IPP: variants seen among roughly 807,000 people sequenced by gnomAD.
IPP encodes actin-binding protein IPP.
IPP carries 41 observed loss-of-function variants against 64.1 expected under a neutral mutation model. The observed-to-expected ratio is 0.64, with a 90% CI of 0.50 to 0.83. The LOEUF (loss-of-function observed/expected upper bound fraction) is 0.83. Among genes scored for constraint, IPP ranks in the 40% least tolerant of loss-of-function variants. The probability of loss-of-function intolerance (pLI) is 0.00; values close to 1 mark genes in which losing one functional copy is unlikely to be tolerated. For synonymous variants in IPP, 214 were observed against 235.2 expected, an observed-to-expected ratio of 0.91 and a Z score of 0.83; for missense variants, 649 against 703.0, an observed-to-expected ratio of 0.92 and a Z score of 0.87.
intron 1 of IPP, among the ~76,000 whole-genome samples, chr1:45,750,289 C>G (rs1381367162): frequency 1.3e-5 from 2 of 152,124 alleles, no homozygotes; most frequent in African/African-American, 4.8e-5. Context: ...AATAATCGTT[C>G]CTGCGCTACC....
chr1:45,699,925 C>A lies in IPP; in HGVS notation c.*41G>T. 1 of 1,602,116 alleles carries A rather than the reference C, an allele frequency of 6.2e-7. No homozygotes were observed. Among genetic ancestry groups the A allele is most frequent in the Non-Finnish European group, 8.5e-7 (1 of 1,172,172 alleles). ...TTGCTTTGCAAAAGGTCAGGTCCTGCATTTTCAAAATGTTCCTTGTGCTCT... is the reference window on the plus strand; with the variant it reads ...TTGCTTTGCAAAAGGTCAGGTCCTGAATTTTCAAAATGTTCCTTGTGCTCT... On this transcript the variant is annotated 3_prime_UTR_variant, in exon 9 of 9. Transcript: ENST00000396478.
intron 2 of IPP, among the ~76,000 whole-genome samples, chr1:45,741,860 C>T (rs1361679369): frequency 2.5e-5 from 2 of 78,860 alleles, no homozygotes; most frequent in African/African-American, 4.1e-5. Flanking sequence ...GATCTCCTGA[C>T]CTTGTGATCC....
At chr1:45,739,664 AT>A (rs1194918883) in intron 3 of IPP, among the ~76,000 whole-genome samples, 1 of 152,006 alleles carries the variant, frequency 6.6e-6, no homozygotes, top group African/African-American at 2.4e-5. Context: ...GAATCTAAAG[AT>A]GATTCAAAGG....
intron 2 of IPP, among the ~76,000 whole-genome samples, chr1:45,744,484 C>G (rs980127020): frequency 6.6e-6 from 1 of 152,098 alleles, no homozygotes; most frequent in Non-Finnish European, 1.5e-5. Flanking sequence ...CCTGGATCCT[C>G]CCACATCAGC....
At chr1:45,725,475 G>GCC (rs1253391590) in intron 5 of IPP, among the ~76,000 whole-genome samples, 29 of 140,150 alleles carry the variant, frequency 2.1e-4, no homozygotes, top group Non-Finnish European at 4.4e-4. Flanking sequence ...GGGGGTGTCA[G>GCC]CCCCCCGCCC....
At chr1:45,708,444 C>T (rs928267972) in intron 8 of IPP, among the ~76,000 whole-genome samples, 3 of 150,614 alleles carry the variant, frequency 2.0e-5, no homozygotes, top group African/African-American at 4.9e-5. Flanking sequence ...TTTGGGAGGC[C>T]GAGGCAGGTG....
chr1:45,708,076 T>C lies in IPP; in HGVS notation c.1530+6170A>G, dbSNP rs1187657039. On this transcript the variant is annotated intron_variant, in intron 8 of 8. Coordinates refer to ENST00000396478, the MANE Select transcript of IPP (RefSeq NM_005897.3). ...TTATTTTATTTTATTTTTACTTTTT[T>C]TTTTTTGAGATGGAGTCTCACTCTG... Among the ~76,000 whole-genome samples the C allele has an allele frequency of 5.3e-5, 8 of 151,524 alleles. No individual in the cohort carries two copies. In the South Asian group the frequency reaches 1.5e-3, roughly 27 times the overall value.
At chr1:45,696,298 A>G (rs1272249273), downstream of IPP, among the ~76,000 whole-genome samples, 1 of 152,256 alleles carries the variant, frequency 6.6e-6, no homozygotes, top group Admixed American at 6.5e-5. Flanking sequence ...TTTTGGAGGT[A>G]GATCACTTTA....
At chr1:45,708,209 C>T (rs1397292521) in intron 8 of IPP, among the ~76,000 whole-genome samples, 4 of 151,578 alleles carry the variant, frequency 2.6e-5, no homozygotes, top group Non-Finnish European at 4.4e-5. Context: ...GGACTACAGA[C>T]GCCAGCCACC....
chr1:45,747,850 A>AC (rs1646160108), intron 1 of IPP, among the ~76,000 whole-genome samples: 2 of 149,012 alleles, frequency 1.3e-5, no homozygotes, highest in Admixed American at 1.3e-4. Flanking sequence ...AAAAAAAAAA[A>AC]AAAAAAAAAA....
chr1:45,741,583 T>G (rs1392843300), intron 2 of IPP, among the ~76,000 whole-genome samples: 2 of 152,096 alleles, frequency 1.3e-5, no homozygotes, highest in Non-Finnish European at 2.9e-5. Context: ...TAACCCTTAT[T>G]ATAATCCCAT....
intron 4 of IPP, 72 bp downstream of exon 4, chr1:45,729,539 TAAC>T (rs139068713): frequency 0.29 from 343,108 of 1,175,674 alleles, 50,231 homozygotes; most frequent in Middle Eastern, 0.36. Context: ...TGTATAGTAA[TAAC>T]AACAAAATAT....
intron 8 of IPP, among the ~76,000 whole-genome samples, chr1:45,709,181 C>T (rs1023908555): frequency 6.6e-6 from 1 of 150,632 alleles, no homozygotes; most frequent in Non-Finnish European, 1.5e-5. Flanking sequence ...CACTTGTAAT[C>T]CCAGCCCTTT....
At chr1:45,724,502 C>T (rs943910549) in intron 5 of IPP, among the ~76,000 whole-genome samples, 4 of 151,244 alleles carry the variant, frequency 2.6e-5, no homozygotes, top group African/African-American at 9.7e-5. Flanking sequence ...AGGAGCGTCT[C>T]TGCCCGGCCG....
chr1:45,741,063 G>A lies in IPP; in HGVS notation c.562C>T (p.Arg188Ter), dbSNP rs1394874624. 15 of 1,613,920 alleles carry A rather than the reference G, an allele frequency of 9.3e-6. No homozygotes were observed. Among genetic ancestry groups the A allele is most frequent in the African/African-American group, 1.3e-5 (1 of 75,004 alleles). Residue 188 changes from arginine to a stop codon, truncating the protein, a stop_gained, in exon 3 of 9, where the codon CGA becomes TGA. Transcript: ENST00000396478. LOFTEE classifies it high-confidence loss of function. ...TCCTCAATGCTAAGCTCTTCACTTCGCAAAATTTTGATCAGCTGATCTTTC... is the reference window on the plus strand; with the variant it reads ...TCCTCAATGCTAAGCTCTTCACTTCACAAAATTTTGATCAGCTGATCTTTC... ...LTKDQLIKIL[R>*]SEELSIEDEY...
chr1:45,716,871 A>G (rs1473856054), intron 7 of IPP, 24 bp downstream of exon 7: 4 of 1,587,670 alleles, frequency 2.5e-6, no homozygotes, highest in Non-Finnish European at 3.4e-6. Flanking sequence ...CATTTTGAGG[A>G]AAAATATTTT....
At chr1:45,749,707 A>C (rs905500799) in intron 1 of IPP, among the ~76,000 whole-genome samples, 1 of 151,070 alleles carries the variant, frequency 6.6e-6, no homozygotes, top group African/African-American at 2.4e-5. Context: ...TTTTTAGTAG[A>C]GACGGGGTTT....
chr1:45,748,787 C>T (rs1646175940), intron 1 of IPP, among the ~76,000 whole-genome samples: 1 of 152,092 alleles, frequency 6.6e-6, no homozygotes, highest in South Asian at 2.1e-4. Context: ...GCCTGGCCAA[C>T]ATGGTGACCC....
At chr1:45,742,464 T>C in intron 2 of IPP, among the ~76,000 whole-genome samples, 1 of 152,246 alleles carries the variant, frequency 6.6e-6, no homozygotes, top group Non-Finnish European at 1.5e-5. Context: ...AGACATTTAC[T>C]GAGGCACTGG....
Sources: gnomAD v4.1 joint callset for allele counts (sites outside exome capture counted in the v4.1 genomes callset) on GRCh38, gnomAD v4.1.1 for gene constraint, MANE v1.5 for transcripts, NCBI Gene and HGNC (gene_info 2026-07-23, HGNC 2026-07-21) for gene names.